Variants in DENND5B observed in about 807,000 individuals in gnomAD.
DENND5B encodes DENN domain-containing protein 5B.
A neutral mutation model predicts 140.6 loss-of-function variants in DENND5B; 34 were observed. The observed-to-expected ratio is 0.24, with a 90% confidence interval of 0.18 to 0.32. The LOEUF (loss-of-function observed/expected upper bound fraction) is 0.32. DENND5B is among the 10% of genes least tolerant of loss of function. The pLI, the probability that DENND5B is intolerant of heterozygous loss-of-function variation, is 1.00. For synonymous variants in DENND5B, 551 were observed against 562.1 expected, an observed-to-expected ratio of 0.98 and a Z score of 0.28; for missense variants, 1,142 against 1,560.2, an observed-to-expected ratio of 0.73 and a Z score of 4.52.
intron 3 of DENND5B, chr12:31,477,381 TTCAGATACAAAAAGGTGATCTGTAA>T (rs1030863386): frequency 1.3e-5 from 2 of 152,232 alleles, no homozygotes; most frequent in African/African-American, 4.8e-5. Flanking sequence ...GGTAAAATTT[TTCAGATACAAAAAGGTGATCTGTAA>T]GTAATAATGG....
chr12:31,433,306 A>G (rs932139958), intron 7 of DENND5B, 58 bp from the exon 8 acceptor site: 37 of 1,444,684 alleles, frequency 2.6e-5, no homozygotes, highest in Non-Finnish European at 3.5e-5. Context: ...GAAAGCATTA[A>G]CCATTCAACA....
intron 3 of DENND5B, among the ~76,000 whole-genome samples, chr12:31,470,117 T>TA (rs1945478514): frequency 6.9e-6 from 1 of 144,470 alleles, no homozygotes; most frequent in South Asian, 2.3e-4. Flanking sequence ...CTGGCTTTTT[T>TA]TTTTTTTTTT....
chr12:31,551,987 A>G (rs1949080688), intron 1 of DENND5B, among the ~76,000 whole-genome samples: 2 of 152,284 alleles, frequency 1.3e-5, no homozygotes, highest in African/African-American at 2.4e-5. Flanking sequence ...GGTTTTCTAG[A>G]TAGACAATCA....
intron 2 of DENND5B, among the ~76,000 whole-genome samples, chr12:31,486,647 GA>G: frequency 6.6e-6 from 1 of 152,108 alleles, no homozygotes; most frequent in East Asian, 1.9e-4. Context: ...GGTTCTTCAT[GA>G]AAAAAATTGC....
chr12:31,563,790 A>T (rs943520064), intron 1 of DENND5B, among the ~76,000 whole-genome samples: 6 of 152,196 alleles, frequency 3.9e-5, no homozygotes, highest in Non-Finnish European at 5.9e-5. Flanking sequence ...TCAACTTTTA[A>T]TCATATGCTC....
At chr12:31,556,073 C>T (rs912648009) in intron 1 of DENND5B, among the ~76,000 whole-genome samples, 1 of 152,254 alleles carries the variant, frequency 6.6e-6, no homozygotes, top group Non-Finnish European at 1.5e-5. Flanking sequence ...CCTGCACCTA[C>T]TGTCTGGCAC....
At chr12:31,526,248 C>A (rs1473972473) in intron 1 of DENND5B, among the ~76,000 whole-genome samples, 1 of 152,122 alleles carries the variant, frequency 6.6e-6, no homozygotes, top group African/African-American at 2.4e-5. Context: ...GTACCTAACA[C>A]GTCTTTACTA....
chr12:31,481,443 G>A (rs746472419), intron 2 of DENND5B, among the ~76,000 whole-genome samples: 69 of 152,136 alleles, frequency 4.5e-4, no homozygotes, highest in Non-Finnish European at 9.6e-4. Flanking sequence ...ATAAAGTAAG[G>A]GAAGTGCTAT....
chr12:31,548,312 T>C (rs574183386), intron 1 of DENND5B, among the ~76,000 whole-genome samples: 1 of 151,922 alleles, frequency 6.6e-6, no homozygotes, highest in Non-Finnish European at 1.5e-5. Flanking sequence ...TAGGATCACC[T>C]GAGCCCAGGA....
intron 20 of DENND5B, 76 bp from the exon 21 acceptor site, chr12:31,387,862 T>C (rs1940923226): frequency 6.8e-7 from 1 of 1,463,024 alleles, no homozygotes; most frequent in East Asian, 2.4e-5. Flanking sequence ...GGAGTCTGTA[T>C]GAATGGGAAG....
chr12:31,553,011 C>A (rs1415017692), intron 1 of DENND5B, among the ~76,000 whole-genome samples: 4 of 152,090 alleles, frequency 2.6e-5, no homozygotes, highest in Non-Finnish European at 5.9e-5. Context: ...TTCAAAAAAC[C>A]AGGTCCTGGA....
intron 1 of DENND5B, among the ~76,000 whole-genome samples, chr12:31,537,761 C>A (rs1478152412): frequency 3.3e-5 from 5 of 151,942 alleles, no homozygotes; most frequent in African/African-American, 1.2e-4. Flanking sequence ...TACAAAGACA[C>A]ACATAGACTG....
In DENND5B at chr12:31,442,807, G is replaced by C. The variant is rs746096161; in HGVS notation, c.1980C>G (p.Ser660=). The change falls in exon 7 of 21, where the codon TCC becomes TCG. Residue 660 remains serine, a synonymous_variant. Coordinates refer to ENST00000389082, the MANE Select transcript of DENND5B (RefSeq NM_144973.4). ...YEQGFFPKLQ[S]DVLATGPTSN... is the part of the protein sequence containing the mutation. ...TGGTTGGTCCTGTTGCCAAGACATC[G>C]GACTGTAACTTTGGAAAGAACCCCT... The C allele has an allele frequency of 1.2e-6, 2 of 1,613,534 alleles. No homozygotes were observed. The highest frequency in any genetic ancestry group is 1.7e-6 in the Non-Finnish European group (2 of 1,179,736).
At chr12:31,409,474 C>CTT (rs139434599) in intron 13 of DENND5B, 90 bp from the exon 14 acceptor site, 242 of 285,058 alleles carry the variant, frequency 8.5e-4, no homozygotes, top group Middle Eastern at 1.8e-3. Context: ...TTCATTATGT[C>CTT]TTTTTTTTTT....
In DENND5B at chr12:31,580,547, T is replaced by G. The variant is rs143508777; in HGVS notation, c.127+10159A>C. Among the ~76,000 whole-genome samples, 363 of 152,232 alleles carry G rather than the reference T, an allele frequency of 2.4e-3. 4 individuals carry two copies. Among genetic ancestry groups the G allele is most frequent in the African/African-American group, 7.9e-3 (330 of 41,536 alleles). On this transcript the variant is annotated intron_variant, in intron 1 of 20. Coordinates refer to ENST00000389082, the MANE Select transcript of DENND5B (RefSeq NM_144973.4). ...TCTCACTCTGTTAACCAGGCTGGAG[T>G]GCAGCAGCGCAATCTCAGCTCACTG...
intron 4 of DENND5B, among the ~76,000 whole-genome samples, chr12:31,458,563 A>C (rs987252314): frequency 6.6e-6 from 1 of 152,186 alleles, no homozygotes; most frequent in Non-Finnish European, 1.5e-5. Context: ...AATAGTCTGT[A>C]TATGTCTCTT....
At chr12:31,391,168 A>G (rs936614641) in intron 19 of DENND5B, among the ~76,000 whole-genome samples, 3 of 151,786 alleles carry the variant, frequency 2.0e-5, no homozygotes, top group Admixed American at 6.6e-5. Context: ...CCCTCCCCCA[A>G]TCTCCTACTT....
At chr12:31,408,617 ACTC>A (rs1223786482) in intron 14 of DENND5B, among the ~76,000 whole-genome samples, 1 of 98,946 alleles carries the variant, frequency 1.0e-5, no homozygotes, top group Non-Finnish European at 2.0e-5. Context: ...ATGGAGTGAG[ACTC>A]TATCAAAAAA....
At chr12:31,548,141 C>T (rs1267558022) in intron 1 of DENND5B, among the ~76,000 whole-genome samples, 1 of 152,078 alleles carries the variant, frequency 6.6e-6, no homozygotes, top group African/African-American at 2.4e-5. Context: ...TTTGTAATCC[C>T]AGTGCTTTGG....
Sources: gnomAD v4.1 joint callset for allele counts (sites outside exome capture counted in the v4.1 genomes callset) on GRCh38, gnomAD v4.1.1 for gene constraint, MANE v1.5 for transcripts, NCBI Gene and HGNC (gene_info 2026-07-23, HGNC 2026-07-21) for gene names.